The following NAV3 variants were observed in gnomAD, a reference collection of about 807,000 sequenced individuals.
NAV3 encodes pore membrane and/or filament interacting like protein 1.
Under a neutral mutation model 244.7 loss-of-function variants are expected in NAV3, and 87 were observed. That is an observed-to-expected ratio of 0.36 (90% CI 0.30 to 0.42). NAV3 has a LOEUF of 0.42. NAV3 is among the 20% of genes least tolerant of loss of function. NAV3 has a pLI of 1.00. For missense variants in NAV3, 2,663 were observed against 2,893.3 expected, an observed-to-expected ratio of 0.92 and a Z score of 1.83; for synonymous variants, 1,126 against 1,042.2, an observed-to-expected ratio of 1.08 and a Z score of -1.55.
At chr12:78,105,168 C>G (rs969628746) in intron 12 of NAV3, among the ~76,000 whole-genome samples, 1 of 152,018 alleles carries the variant, frequency 6.6e-6, no homozygotes, top group Non-Finnish European at 1.5e-5. Context: ...AATGATAATA[C>G]ATAAAATATT....
At chr12:77,582,690 C>G (rs2136682195) in intron 2 of NAV3, among the ~76,000 whole-genome samples, 1 of 152,326 alleles carries the variant, frequency 6.6e-6, no homozygotes, top group Non-Finnish European at 1.5e-5. Context: ...TCCCTGGTCT[C>G]TTAGTGGTGC....
chr12:78,121,248 C>T (rs1392612448), intron 15 of NAV3, among the ~76,000 whole-genome samples: 2 of 152,106 alleles, frequency 1.3e-5, no homozygotes, highest in African/African-American at 4.8e-5. Flanking sequence ...AAAATGTTTT[C>T]TGAACTAAAC....
chr12:78,041,395 A>C (rs1880834182), intron 9 of NAV3, among the ~76,000 whole-genome samples: 1 of 152,232 alleles, frequency 6.6e-6, no homozygotes, highest in South Asian at 2.1e-4. Context: ...GGAATAATGA[A>C]CAAAGTAGTA....
Position 77,881,826 on chromosome 12 carries a change from T to G in NAV3, c.243+50122T>G, listed in dbSNP as rs11835714. On this transcript the variant is annotated intron_variant, in intron 1 of 39. Transcript: ENST00000397909. Reference sequence around the variant, plus strand: ...ATCAAGCACACAATGCCACTTACAATAGCTGTAAAGAAAATGAAATACCTA... The same window carrying G: ...ATCAAGCACACAATGCCACTTACAAGAGCTGTAAAGAAAATGAAATACCTA... Among the ~76,000 whole-genome samples, 633 of 152,128 alleles carry G rather than the reference T, an allele frequency of 4.2e-3. 3 individuals are homozygous for G. Among genetic ancestry groups the G allele is most frequent in the African/African-American group, 0.015 (615 of 41,528 alleles).
intron 1 of NAV3, among the ~76,000 whole-genome samples, chr12:77,892,615 C>G (rs1448638351): frequency 6.6e-6 from 1 of 152,060 alleles, no homozygotes; most frequent in Admixed American, 6.6e-5. Context: ...TGGGGTTTCA[C>G]GGTGTTAGCC....
intron 12 of NAV3, among the ~76,000 whole-genome samples, chr12:78,097,587 G>GT (rs1033017188): frequency 1.3e-5 from 2 of 152,076 alleles, no homozygotes; most frequent in Admixed American, 6.6e-5. Context: ...AATCTGGAAT[G>GT]TTTTTATTAT....
At chr12:77,725,131 C>CT (rs1876819577) in intron 2 of NAV3, among the ~76,000 whole-genome samples, 4 of 152,046 alleles carry the variant, frequency 2.6e-5, no homozygotes, top group Admixed American at 2.6e-4. Flanking sequence ...TGGTATTAAA[C>CT]TTTTTTCCAT....
At chr12:78,028,353 A>G (rs1878426482) in intron 9 of NAV3, among the ~76,000 whole-genome samples, 1 of 152,208 alleles carries the variant, frequency 6.6e-6, no homozygotes, top group Non-Finnish European at 1.5e-5. Flanking sequence ...ATGACATTAA[A>G]TTTTTAAAGA....
intron 1 of NAV3, among the ~76,000 whole-genome samples, chr12:77,897,251 A>C (rs780177772): frequency 2.6e-5 from 4 of 152,184 alleles, no homozygotes; most frequent in Non-Finnish European, 5.9e-5. Flanking sequence ...TATCGTGAAT[A>C]CTTGGTCCGT....
At chr12:78,083,527 A>G (rs1189045271) in intron 12 of NAV3, among the ~76,000 whole-genome samples, 1 of 152,150 alleles carries the variant, frequency 6.6e-6, no homozygotes, top group Non-Finnish European at 1.5e-5. Flanking sequence ...CACTACTGTT[A>G]TTTTAATTTA....
At chr12:77,957,338 G>A (rs1347644255) in intron 3 of NAV3, among the ~76,000 whole-genome samples, 2 of 152,172 alleles carry the variant, frequency 1.3e-5, no homozygotes, top group African/African-American at 4.8e-5. Flanking sequence ...TAATCACTTA[G>A]TGTTAAGTGT....
At chr12:77,803,009 G>A (rs1160236527) in intron 2 of NAV3, among the ~76,000 whole-genome samples, 1 of 151,960 alleles carries the variant, frequency 6.6e-6, no homozygotes, top group East Asian at 1.9e-4. Flanking sequence ...AGTTTAAAAG[G>A]GAACATCTAT....
At chr12:77,902,606 C>G (rs1355539601) in intron 1 of NAV3, among the ~76,000 whole-genome samples, 2 of 152,112 alleles carry the variant, frequency 1.3e-5, no homozygotes, top group African/African-American at 4.8e-5. Context: ...CCTCTCTCAC[C>G]ACTCCTATTC....
intron 12 of NAV3, among the ~76,000 whole-genome samples, chr12:78,111,088 G>C (rs1394021811): frequency 6.6e-6 from 1 of 151,856 alleles, no homozygotes; most frequent in African/African-American, 2.4e-5. Context: ...ATAGTTAAAA[G>C]AAATAAATTC....
At chr12:77,973,499 C>T (rs1893179337) in intron 5 of NAV3, among the ~76,000 whole-genome samples, 1 of 152,180 alleles carries the variant, frequency 6.6e-6, no homozygotes, top group Non-Finnish European at 1.5e-5. Context: ...ACAGGATTCA[C>T]AAGTTAAACT....
At chr12:77,824,241 A>ATTTTTTTTTTTTTTTTTTTTTTTTTTT (rs61710960) in intron 2 of NAV3, among the ~76,000 whole-genome samples, 1 of 104,902 alleles carries the variant, frequency 9.5e-6, no homozygotes, top group African/African-American at 3.8e-5. Context: ...GCCCAACTAA[A>ATTTTTTTTTTTTTTTTTTTTTTTTTTT]TTTTTTTTTT....
Position 78,200,534 on chromosome 12 carries a change from T to C in NAV3, c.6777T>C (p.Asp2259=). The C allele has an allele frequency of 6.2e-7, 1 of 1,602,944 alleles. No individual in the cohort carries two copies. ...AAGGTTCTAGAGTATGGTTCATGGA[T>C]CTCTGGAACTATTCTTTAGTACCTT... ...DVEGSRVWFM[D]LWNYSLVPYI... The change falls in exon 38 of 40, where the codon GAT becomes GAC. Residue 2259 remains aspartate, a synonymous_variant. Transcript: ENST00000397909.
chr12:77,815,410 C>T (rs1872489834), intron 2 of NAV3, among the ~76,000 whole-genome samples: 1 of 152,120 alleles, frequency 6.6e-6, no homozygotes, highest in Non-Finnish European at 1.5e-5. Context: ...CTACTGTTTT[C>T]TCTCATTACT....
chr12:78,121,933 C>G lies in NAV3; in HGVS notation c.3750-7C>G. ...ACAACTGAAGTTGTTATTTGTTTTT[C>G]TTTTAGGTTGTTTGGTGCCAAGGCA... is the stretch of plus-strand genomic sequence containing the variant. On this transcript the variant is annotated splice_region_variant and splice_polypyrimidine_tract_variant and intron_variant, in intron 15 of 39. Coordinates refer to ENST00000397909, the MANE Select transcript of NAV3 (RefSeq NM_001024383.2). 2 of 1,612,072 alleles carry G rather than the reference C, an allele frequency of 1.2e-6. No individual in the cohort carries two copies. Among genetic ancestry groups the G allele is most frequent in the Non-Finnish European group, 1.7e-6 (2 of 1,178,560 alleles).
Sources: allele counts gnomAD v4.1 joint callset (sites outside exome capture counted in the v4.1 genomes callset), GRCh38; gene constraint gnomAD v4.1.1; transcripts MANE v1.5; gene names NCBI Gene and HGNC (gene_info 2026-07-23, HGNC 2026-07-21).